CCDC107: variants seen among roughly 807,000 people sequenced by gnomAD.
CCDC107 encodes coiled-coil domain-containing protein 107.
A neutral mutation model predicts 17.9 loss-of-function variants in CCDC107; 17 were observed. The ratio of observed to expected loss-of-function variants is 0.95; its 90% CI spans 0.65 to 1.42. CCDC107 has a LOEUF of 1.42. Ranked by LOEUF, CCDC107 falls within the 40% of genes most tolerant of loss-of-function variation. CCDC107 has a pLI of 0.00. For synonymous variants in CCDC107, 170 were observed against 157.2 expected (o/e 1.08, Z -0.61); for missense variants, 388 against 360.1 (o/e 1.08, Z -0.63).
Position 35,661,067 on chromosome 9 carries a change from G to T in CCDC107, c.732G>T (p.Glu244Asp). ...TETWNLATSWEVGRGLRRRCS... is the reference protein window; with the variant it reads ...TETWNLATSWDVGRGLRRRCS... ...CATGGAACCTAGCTACTTCCTGGGA[G>T]GTGGGGCGGGGACTACGGAGAAGGT... is the stretch of plus-strand genomic sequence containing the variant. Residue 244 changes from glutamate to aspartate, a missense_variant, in exon 5 of 5, where the codon GAG (glutamate) becomes GAT (aspartate). Physicochemically the swap from Glu to Asp is conservative, Grantham distance 45. Transcript: ENST00000426546. 1 of 1,614,192 alleles carries T rather than the reference G, an allele frequency of 6.2e-7. No homozygotes were observed. Among genetic ancestry groups the T allele is most frequent in the Non-Finnish European group, 8.5e-7 (1 of 1,180,030 alleles).
chr9:35,658,400 C>T lies in CCDC107; in HGVS notation c.21C>T (p.Leu7=), dbSNP rs1446227247. The T allele has an allele frequency of 5.6e-6, 8 of 1,426,098 alleles. No individual in the cohort carries two copies. The highest frequency in any genetic ancestry group is 7.4e-6 in the Non-Finnish European group (8 of 1,087,754). The allele number at this position is 1,426,098 out of a possible 1,614,324, so 88.3% of individuals were successfully genotyped here. Residue 7 remains leucine, a synonymous_variant, in exon 1 of 5, where the codon CTC becomes CTT. Transcript: ENST00000426546. ...CGGCAATGGCGGGCGCAGTTTCGCT[C>T]TTGGGTGTGGTGGGGCTGCTGCTTG... MAGAVS[L]LGVVGLLLVS...
chr9:35,661,223 GT>G lies in CCDC107; in HGVS notation c.*38del. On this transcript the variant is annotated 3_prime_UTR_variant, in exon 5 of 5. Coordinates refer to ENST00000426546, the MANE Select transcript of CCDC107 (RefSeq NM_174923.3). Reference sequence around the variant, plus strand: ...CTGTGTGTTTTTTCGATCCTAGTTGGTTGTACACACCCATACTAGGTGCCTA... The same window carrying G: ...CTGTGTGTTTTTTCGATCCTAGTTGGTGTACACACCCATACTAGGTGCCTA... 1 of 1,495,730 alleles carries G rather than the reference GT, an allele frequency of 6.7e-7. No individual in the cohort carries two copies. The highest frequency in any genetic ancestry group is 1.3e-5 in the South Asian group (1 of 79,572). 92.7% of individuals were successfully genotyped at this position (1,495,730 alleles called of 1,614,324 possible).
At position 35,660,740 on chromosome 9, in the gene CCDC107, C is replaced by T. The variant is rs752832075; in HGVS notation, c.411-6C>T. 1.2e-5 allele frequency: 19 copies of T among 1,613,864 alleles called. No individual in the cohort carries two copies. The East Asian group carries it at 4.2e-4, about 36-fold the overall frequency. On this transcript the variant is annotated splice_region_variant and splice_polypyrimidine_tract_variant and intron_variant, in intron 4 of 4. Coordinates refer to ENST00000426546, the MANE Select transcript of CCDC107 (RefSeq NM_174923.3). ...GTTGGGAGCCACTGAGTGGACATTT[C>T]TTCAGTGTGACTACTCTGGCTGGAG...
chr9:35,661,460 T>A lies in CCDC107; in HGVS notation c.*273T>A. 1 of 468,946 alleles carries A rather than the reference T, an allele frequency of 2.1e-6. No individual in the cohort carries two copies. The highest frequency in any genetic ancestry group is 4.9e-5 in the South Asian group (1 of 20,330). The allele number at this position is 468,946 out of a possible 1,614,324, so 29.0% of individuals were successfully genotyped here. A position where few individuals can be genotyped will look rare whatever the true frequency, so the allele number is the denominator to read the frequency against. ...TTCCCAAAAAAAAGAAAAAAAACTT[T>A]ACTCAAATCCAGTGGAAAAATAAAT... On this transcript the variant is annotated 3_prime_UTR_variant, in exon 5 of 5. Coordinates refer to ENST00000426546, the MANE Select transcript of CCDC107 (RefSeq NM_174923.3).
chr9:35,658,542 G>C (rs1469865178), intron 1 of CCDC107, 34 bp from the exon 2 acceptor site: 5 of 1,546,416 alleles, frequency 3.2e-6, no homozygotes, highest in Non-Finnish European at 4.3e-6. Flanking sequence ...CCAGGCCCCA[G>C]CTCGGCTGAC....
In CCDC107 at chr9:35,661,133, C is replaced by A; in HGVS notation, c.798C>A (p.Gly266=). 5 of 1,612,632 alleles carry A rather than the reference C, an allele frequency of 3.1e-6. No individual in the cohort carries two copies. Among genetic ancestry groups the A allele is most frequent in the Non-Finnish European group, 4.2e-6 (5 of 1,178,904 alleles). The part of the protein sequence containing the change: ...AVAKGPSHSL[G]WEGGTTAEGR... Reference sequence around the variant, plus strand: ...CAAAGGGCCCCAGTCACAGCCTTGGCTGGGAAGGAGGGACGACAGCTGAAG... The same window carrying A: ...CAAAGGGCCCCAGTCACAGCCTTGGATGGGAAGGAGGGACGACAGCTGAAG... The change falls in exon 5 of 5, where the codon GGC becomes GGA. Residue 266 remains glycine (G), a synonymous_variant. Coordinates refer to ENST00000426546, the MANE Select transcript of CCDC107 (RefSeq NM_174923.3).
Position 35,658,592 on chromosome 9 carries a change from C to T in CCDC107, c.123C>T (p.Pro41=), listed in dbSNP as rs773093613. The part of the protein sequence containing the change: ...LRAHPGNAAH[P]GSGATEPRRR... ...CCTCCGCAGGGAACGCAGCCCACCC[C>T]GGCTCTGGAGCCACGGAACCCCGGC... Residue 41 remains proline, a synonymous_variant, in exon 2 of 5, where the codon CCC becomes CCT. Transcript: ENST00000426546. 8.2e-6 allele frequency: 13 copies of T among 1,582,780 alleles called. No homozygotes were observed. In the South Asian group the frequency reaches 1.4e-4, roughly 18 times the overall value.
intron 3 of CCDC107, 47 bp downstream of exon 3, chr9:35,660,508 A>AGCAGAAGAT (rs769906088): frequency 4.3e-6 from 7 of 1,613,206 alleles, no homozygotes; most frequent in Non-Finnish European, 5.9e-6. Flanking sequence ...TTTAGGGGAC[A>AGCAGAAGAT]GCAGAAGATA....
chr9:35,658,474 G>C lies in CCDC107; in HGVS notation c.95G>C (p.Arg32Pro). ...GGAGACCGCGCCAATCCCGACCTCC[G>C]GGCACACCCAGGTACCAGCTAGGGC... is the stretch of plus-strand genomic sequence containing the variant. ...VLGDRANPDL[R>P]AHPGNAAHPG... Residue 32 changes from arginine to proline, a missense_variant, in exon 1 of 5, where the codon CGG (arginine) becomes CCG (proline). Arg to Pro is a moderately radical substitution (Grantham distance 103). Coordinates refer to ENST00000426546, the MANE Select transcript of CCDC107 (RefSeq NM_174923.3). 6.8e-7 allele frequency: 1 copy of C among 1,472,034 alleles called. No homozygotes were observed. Among genetic ancestry groups the C allele is most frequent in the Non-Finnish European group, 9.0e-7 (1 of 1,111,158 alleles). The allele number at this position is 1,472,034 out of a possible 1,614,324, so 91.2% of individuals were successfully genotyped here.
Position 35,658,298 on chromosome 9 carries a change from G to T in CCDC107, c.-82G>T. ...CCCCGGAGCCGGCCGGCCTGCTCGC[G>T]TGCGCGTGCGCGTTGGGGCGGCCGG... On this transcript the variant is annotated 5_prime_UTR_variant, in exon 1 of 5. Coordinates refer to ENST00000426546, the MANE Select transcript of CCDC107 (RefSeq NM_174923.3). 2.5e-6 allele frequency: 3 copies of T among 1,187,558 alleles called. No homozygotes were observed. Among genetic ancestry groups the T allele is most frequent in the Middle Eastern group, 3.1e-4 (1 of 3,264 alleles). 73.6% of individuals were successfully genotyped at this position (1,187,558 alleles called of 1,614,324 possible).
rs774805907 is a variant in CCDC107, at chr9:35,660,548, T to C, written c.320-9T>C. ...ACCACTTCTGCCCCCTTTTTTCCCT[T>C]ATCCCCAGAGCAACAGCTGGCCCAG... On this transcript the variant is annotated splice_polypyrimidine_tract_variant and intron_variant, in intron 3 of 4. Coordinates refer to ENST00000426546, the MANE Select transcript of CCDC107 (RefSeq NM_174923.3). 1 of 1,614,130 alleles carries C rather than the reference T, an allele frequency of 6.2e-7. No individual in the cohort carries two copies. The highest frequency in any genetic ancestry group is 1.3e-5 in the African/African-American group (1 of 75,028).
At position 35,660,801 on chromosome 9, in the gene CCDC107, A is replaced by G. The variant is rs747669830; in HGVS notation, c.466A>G (p.Ile156Val). 8.7e-6 allele frequency: 14 copies of G among 1,614,070 alleles called. No individual in the cohort carries two copies. The East Asian group carries it at 2.7e-4, about 31-fold the overall frequency. The change falls in exon 5 of 5, where the codon ATC (isoleucine) becomes GTC (valine). Residue 156 changes from isoleucine to valine, a missense_variant. Transcript: ENST00000426546. ...QELLNMKLWT[I>V]HELLQDSKPD... ...GCTTCTGAACATGAAGCTATGGACCATCCACGAGCTGCTGCAAGATAGCAA... is the reference window on the plus strand; with the variant it reads ...GCTTCTGAACATGAAGCTATGGACCGTCCACGAGCTGCTGCAAGATAGCAA...
chr9:35,660,326 G>A, intron 2 of CCDC107, 75 bp from the exon 3 acceptor site: 1 of 1,303,090 alleles, frequency 7.7e-7, no homozygotes, highest in South Asian at 1.4e-5. Flanking sequence ...ACTCTCTCTT[G>A]GCTGGCTCTG....
chr9:35,660,509 G>A (rs1454321289), intron 3 of CCDC107, 48 bp downstream of exon 3: 4 of 1,613,336 alleles, frequency 2.5e-6, no homozygotes, highest in South Asian at 2.2e-5. Flanking sequence ...TTAGGGGACA[G>A]CAGAAGATAC....
intron 2 of CCDC107, chr9:35,659,668 G>A (rs1823788429): frequency 6.6e-6 from 1 of 152,192 alleles, no homozygotes; most frequent in Non-Finnish European, 1.5e-5. Context: ...TGTAAAGACT[G>A]ACGTTAATAA....
At chr9:35,658,539 C>A (rs1230951474) in intron 1 of CCDC107, 37 bp from the exon 2 acceptor site, 6 of 1,541,118 alleles carry the variant, frequency 3.9e-6, no homozygotes, top group Non-Finnish European at 5.2e-6. Context: ...GTCCCAGGCC[C>A]CAGCTCGGCT....
In CCDC107 at chr9:35,660,399, A is replaced by G; in HGVS notation, c.259-2A>G. The G allele has an allele frequency of 1.3e-6, 2 of 1,595,968 alleles. No individual in the cohort carries two copies. Among genetic ancestry groups the G allele is most frequent in the Admixed American group, 1.7e-5 (1 of 57,970 alleles). ...TACTGCCCTTTCCTTCTTCCACAAC[A>G]GGGGAAAGATGAAACTGCGGTTCTC... On this transcript the variant is annotated splice_acceptor_variant, in intron 2 of 4. Transcript: ENST00000426546. LOFTEE classifies it high-confidence loss of function.
At position 35,658,363 on chromosome 9, in the gene CCDC107, C is replaced by T; in HGVS notation, c.-17C>T. 7.2e-7 allele frequency: 1 copy of T among 1,385,262 alleles called. No individual in the cohort carries two copies. The highest frequency in any genetic ancestry group is 9.4e-7 in the Non-Finnish European group (1 of 1,066,736). The allele number at this position is 1,385,262 out of a possible 1,614,324, so 85.8% of individuals were successfully genotyped here. ...CTTCGGCACCGCCCGCCCGATCCCT[C>T]CACCCGTGGGCCGGCAATGGCGGGC... On this transcript the variant is annotated 5_prime_UTR_variant, in exon 1 of 5. Coordinates refer to ENST00000426546, the MANE Select transcript of CCDC107 (RefSeq NM_174923.3).
rs980942861 is a variant in CCDC107 at position 35,658,333 on chromosome 9, G to A, written c.-47G>A. 5 of 1,312,584 alleles carry A rather than the reference G, an allele frequency of 3.8e-6. No homozygotes were observed. The highest frequency in any genetic ancestry group is 4.3e-5 in the South Asian group (2 of 46,130). The allele number at this position is 1,312,584 out of a possible 1,614,324, so 81.3% of individuals were successfully genotyped here. A position where few individuals can be genotyped will look rare whatever the true frequency, so the allele number is the denominator to read the frequency against. The stretch of plus-strand genomic sequence containing the variant: ...GCGTTGGGGCGGCCGGCCAATGCCG[G>A]ACCGCTTCGGCACCGCCCGCCCGAT... On this transcript the variant is annotated 5_prime_UTR_variant, in exon 1 of 5. Transcript: ENST00000426546.
Sources: allele counts gnomAD v4.1 joint callset, GRCh38; gene constraint gnomAD v4.1.1; transcripts MANE v1.5; gene names NCBI Gene and HGNC (gene_info 2026-07-23, HGNC 2026-07-21).